PTK2: variants seen among roughly 807,000 people sequenced by gnomAD.
The protein encoded by PTK2 is protein tyrosine kinase 2.
A neutral mutation model predicts 150.1 loss-of-function variants in PTK2; 45 were observed. The observed-to-expected ratio is 0.30, with a 90% CI of 0.24 to 0.38. The LOEUF is 0.38. PTK2 is among the 10% of genes least tolerant of loss of function. The pLI is 1.00. For synonymous variants in PTK2, 432 were observed against 449.2 expected, an observed-to-expected ratio of 0.96 and a Z score of 0.48; for missense variants, 919 against 1,307.3, an observed-to-expected ratio of 0.70 and a Z score of 4.58.
chr8:140,959,895 G>A (rs11775885), intron 1 of PTK2, among the ~76,000 whole-genome samples: 63,207 of 151,256 alleles, frequency 0.42, 15,107 homozygotes, highest in Non-Finnish European at 0.55. Context: ...ACATGCCTTT[G>A]GTCCTCGCTA....
chr8:140,894,695 G>A (rs986947618), intron 2 of PTK2, among the ~76,000 whole-genome samples: 1 of 152,184 alleles, frequency 6.6e-6, no homozygotes, highest in South Asian at 2.1e-4. Flanking sequence ...AAATGTATCT[G>A]CTCATATGTG....
rs553644659 is a variant in PTK2 at position 140,820,121 on chromosome 8, A to C, written c.649-1101T>G. On this transcript the variant is annotated intron_variant, in intron 8 of 31. Transcript: ENST00000522684. ...TTTTTTTTTTTTTTTTTTTTTTTAA[A>C]TAGGGTCTCACTCTGTCGCCCAGAC... 1.2e-3 allele frequency among the ~76,000 whole-genome samples: 62 copies of C among 51,252 alleles called. 2 individuals carry two copies. Among genetic ancestry groups the C allele is most frequent in the African/African-American group, 4.1e-3 (60 of 14,634 alleles). 33.6% of individuals were successfully genotyped at this position (51,252 alleles called of 152,430 possible). A position where few individuals can be genotyped will look rare whatever the true frequency, so the allele number is the denominator to read the frequency against.
chr8:140,902,338 A>G (rs1397777127), intron 2 of PTK2, among the ~76,000 whole-genome samples: 4 of 152,124 alleles, frequency 2.6e-5, no homozygotes, highest in Non-Finnish European at 5.9e-5. Context: ...CCCAGCCACC[A>G]TATTTTCTTT....
chr8:140,994,512 G>C (rs1461574162), intron 1 of PTK2, among the ~76,000 whole-genome samples: 1 of 151,906 alleles, frequency 6.6e-6, no homozygotes, highest in Non-Finnish European at 1.5e-5. Flanking sequence ...CTGTGAACAG[G>C]GATCTCTTTT....
intron 14 of PTK2, among the ~76,000 whole-genome samples, chr8:140,774,634 A>T (rs533209150): frequency 6.6e-6 from 1 of 152,344 alleles, no homozygotes; most frequent in African/African-American, 2.4e-5. Flanking sequence ...AGGAATTCTA[A>T]GTCACAGGAT....
At chr8:140,890,383 C>T (rs1258131274) in intron 3 of PTK2, 160 bp downstream of exon 3, 4 of 600,632 alleles carry the variant, frequency 6.7e-6, no homozygotes, top group Non-Finnish European at 1.1e-5. Flanking sequence ...TGGTCAGTCA[C>T]ATATTAACTA....
rs183761105 is a variant in PTK2 at position 140,966,011 on chromosome 8, G to C, written c.-122+35114C>G. Among the ~76,000 whole-genome samples, 230 of 152,206 alleles carry C rather than the reference G, an allele frequency of 1.5e-3. 3 individuals carry two copies. The highest frequency in any genetic ancestry group is 2.5e-4 in the Non-Finnish European group (17 of 67,992). ...GTCAGAAAAGCTCCAGTTGGTTGCA[G>C]TTGGAAGCATTTCTTCTTTCCATGC... On this transcript the variant is annotated intron_variant, in intron 1 of 31. Transcript: ENST00000522684.
At chr8:140,885,048 A>G (rs1034962177) in intron 3 of PTK2, among the ~76,000 whole-genome samples, 1 of 152,160 alleles carries the variant, frequency 6.6e-6, no homozygotes, top group Non-Finnish European at 1.5e-5. Flanking sequence ...CCAAGTACTC[A>G]ATGGTGGTGT....
intron 2 of PTK2, among the ~76,000 whole-genome samples, chr8:140,912,250 G>T (rs141321682): frequency 3.0e-5 from 4 of 132,626 alleles, no homozygotes; most frequent in Non-Finnish European, 6.7e-5. Flanking sequence ...CTCTATAAAA[G>T]AAAAAAAAAA....
At chr8:140,956,793 C>T (rs539234915) in intron 1 of PTK2, among the ~76,000 whole-genome samples, 1 of 152,074 alleles carries the variant, frequency 6.6e-6, no homozygotes, top group Admixed American at 6.5e-5. Flanking sequence ...GGCTGGGCAC[C>T]GTGGCTCACA....
chr8:140,725,455 G>C (rs1313536382), intron 22 of PTK2, among the ~76,000 whole-genome samples: 2 of 152,214 alleles, frequency 1.3e-5, no homozygotes, highest in Non-Finnish European at 2.9e-5. Flanking sequence ...GGAGGGAGCT[G>C]TCATGAGAAG....
intron 21 of PTK2, among the ~76,000 whole-genome samples, chr8:140,736,999 A>G (rs2100052948): frequency 6.6e-6 from 1 of 152,216 alleles, no homozygotes; most frequent in Non-Finnish European, 1.5e-5. Context: ...ATTTCAAAGT[A>G]AAGAGTATCT....
At chr8:140,962,873 TCC>T (rs548834893) in intron 1 of PTK2, among the ~76,000 whole-genome samples, 1 of 141,994 alleles carries the variant, frequency 7.0e-6, no homozygotes, top group African/African-American at 2.6e-5. Context: ...CCCTTGTAGG[TCC>T]CCCCCCCCAA....
intron 3 of PTK2, 57 bp from the exon 4 acceptor site, chr8:140,879,694 A>AC: frequency 1.6e-6 from 2 of 1,254,594 alleles, no homozygotes; most frequent in Non-Finnish European, 2.1e-6. Context: ...AAAAAAAAAA[A>AC]AAAAAAACCA....
rs146128452 is a variant in PTK2 at position 140,807,075 on chromosome 8, G to A, written c.868-3425C>T. On this transcript the variant is annotated intron_variant, in intron 10 of 31. Transcript: ENST00000522684. ...TCCACCACCAGATTACAAGGAAGCA[G>A]GGCCATGCCTGGCATGTAAGTGAAT... is the stretch of plus-strand genomic sequence containing the variant. Among the ~76,000 whole-genome samples, 1,450 of 152,362 alleles carry A rather than the reference G, an allele frequency of 9.5e-3. 19 individuals carry two copies. The highest frequency in any genetic ancestry group is 0.016 in the Non-Finnish European group (1,062 of 68,044).
chr8:140,702,099 G>A (rs2100030820), intron 25 of PTK2, among the ~76,000 whole-genome samples: 1 of 106,362 alleles, frequency 9.4e-6, no homozygotes, highest in African/African-American at 3.7e-5. Flanking sequence ...CTGCACTCCA[G>A]CCTGGGAGAC....
chr8:140,754,600 G>C (rs2100064619), intron 16 of PTK2, among the ~76,000 whole-genome samples: 1 of 152,132 alleles, frequency 6.6e-6, no homozygotes, highest in Non-Finnish European at 1.5e-5. Flanking sequence ...AGTAAACATG[G>C]TGCTTTATTA....
intron 1 of PTK2, among the ~76,000 whole-genome samples, chr8:140,957,958 A>G (rs998757573): frequency 6.6e-6 from 1 of 152,222 alleles, no homozygotes; most frequent in African/African-American, 2.4e-5. Context: ...AAAGAAAAAG[A>G]CAAATCCACA....
chr8:140,670,526 CACACACACACACAT>C (rs1376174295), intron 29 of PTK2, among the ~76,000 whole-genome samples: 3 of 124,962 alleles, frequency 2.4e-5, no homozygotes, highest in African/African-American at 8.5e-5. Context: ...CACACACACA[CACACACACACACAT>C]TGGGAGCTTA....
Sources: gnomAD v4.1 joint callset for allele counts (sites outside exome capture counted in the v4.1 genomes callset) on GRCh38, gnomAD v4.1.1 for gene constraint, MANE v1.5 for transcripts, NCBI Gene and HGNC (gene_info 2026-07-23, HGNC 2026-07-21) for gene names.